CELF2: variants seen among roughly 807,000 people sequenced by gnomAD.
CELF2 encodes CUGBP Elav-like family member 2, also known as CUG triplet repeat RNA-binding protein 2.
In CELF2, 8 loss-of-function variants were observed where a neutral mutation model predicts 62.6. The ratio of observed to expected loss-of-function variants is 0.13; its 90% CI spans 0.07 to 0.23. CELF2 has a LOEUF of 0.23. Ranked by LOEUF, CELF2 falls within the 10% of genes least tolerant of loss-of-function variation. CELF2 has a pLI of 1.00. For missense variants in CELF2, 333 were observed against 671.0 expected (o/e 0.50, Z 5.56); for synonymous variants, 258 against 250.0 (o/e 1.03, Z -0.30).
the CELF2 span, among the ~76,000 whole-genome samples, chr10:10,550,897 C>T: frequency 6.6e-6 from 1 of 152,044 alleles, no homozygotes; most frequent in East Asian, 1.9e-4. Context: ...GGGGTTTCTC[C>T]ATGTTGATCA....
Position 11,159,840 on chromosome 10 carries a change from A to T in CELF2, c.75-5646A>T, listed in dbSNP as rs2065295623. On this transcript the variant is annotated intron_variant, in intron 1 of 12. Coordinates refer to ENST00000633077, the MANE Select transcript of CELF2 (RefSeq NM_001326342.2). The surrounding 1 kb of genome is among the most constrained non-coding windows in gnomAD (Gnocchi z 5.0). ...TATTACTTAAGTACAAGTGATATTT[A>T]AAAATGATTCCTGAGCCCTTTGAAA... 6.6e-6 allele frequency among the ~76,000 whole-genome samples: 1 copy of T among 152,218 alleles called. No homozygotes were observed. The highest frequency in any genetic ancestry group is 2.4e-5 in the African/African-American group (1 of 41,452).
the CELF2 span, among the ~76,000 whole-genome samples, chr10:10,731,769 C>T: frequency 6.6e-6 from 1 of 152,042 alleles, no homozygotes; most frequent in Admixed American, 6.6e-5. Context: ...TAAGAGCACT[C>T]GGTAGGAACA....
chr10:10,688,492 A>G, the CELF2 span, among the ~76,000 whole-genome samples: 2 of 152,210 alleles, frequency 1.3e-5, no homozygotes, highest in African/African-American at 4.8e-5. Flanking sequence ...CATAAGTATC[A>G]TTGTGCCACA....
In CELF2 at chr10:11,193,663, A is replaced by C. The variant is rs117505613; in HGVS notation, c.272-23762A>C. Among the ~76,000 whole-genome samples the C allele has an allele frequency of 9.1e-4, 139 of 152,342 alleles. 2 individuals are homozygous for C. In the East Asian group the frequency reaches 0.026, roughly 29 times the overall value. On this transcript the variant is annotated intron_variant, in intron 2 of 12. Transcript: ENST00000633077. ...CACCTAGGGGCCGGGTGTACAGCAG[A>C]AGGATAGTACCCATTGAGGGGCCAA...
the CELF2 span, among the ~76,000 whole-genome samples, chr10:10,727,919 G>C: frequency 6.6e-6 from 1 of 151,996 alleles, no homozygotes; most frequent in African/African-American, 2.4e-5. Context: ...AATAAGCCTG[G>C]CACGGAGCTG....
chr10:11,219,529 A>G lies in CELF2; in HGVS notation c.354+2022A>G, dbSNP rs539362186. On this transcript the variant is annotated intron_variant, in intron 3 of 12. Coordinates refer to ENST00000633077, the MANE Select transcript of CELF2 (RefSeq NM_001326342.2). Reference sequence around the variant, plus strand: ...TTTCATATGCCCAATTACTTGAGGCAGGTTGAAGGAATTTGAAAAGTCAGA... The same window carrying G: ...TTTCATATGCCCAATTACTTGAGGCGGGTTGAAGGAATTTGAAAAGTCAGA... 3.9e-5 allele frequency among the ~76,000 whole-genome samples: 6 copies of G among 152,306 alleles called. No homozygotes were observed. In the South Asian group the frequency reaches 1.2e-3, roughly 32 times the overall value.
At chr10:10,996,576 C>T (rs1242260282) in intron 2 of CELF2, among the ~76,000 whole-genome samples, 1 of 152,160 alleles carries the variant, frequency 6.6e-6, no homozygotes, top group Non-Finnish European at 1.5e-5. Context: ...ATTCAGCATC[C>T]AAATAAAGAA....
At chr10:10,586,041 T>C in the CELF2 span, among the ~76,000 whole-genome samples, 5 of 152,312 alleles carry the variant, frequency 3.3e-5, no homozygotes, top group Admixed American at 3.3e-4. Context: ...GCTCTATAAA[T>C]TTTACAATTA....
chr10:10,635,120 C>T, the CELF2 span, among the ~76,000 whole-genome samples: 9 of 152,170 alleles, frequency 5.9e-5, no homozygotes, highest in African/African-American at 1.7e-4. Flanking sequence ...GTGCTACCCT[C>T]ACACTCAAGG....
rs145523322 is a variant in CELF2, at chr10:11,114,701, G to A, written c.75-50785G>A. Among the ~76,000 whole-genome samples, 402 of 152,322 alleles carry A rather than the reference G, an allele frequency of 2.6e-3. 1 individual carries two copies. Among genetic ancestry groups the A allele is most frequent in the African/African-American group, 9.1e-3 (380 of 41,566 alleles). ...GCAATGGGTTGGCCACAGCACTTTA[G>A]TTCTTTTGACTTGAGAAATTGAAAT... is the stretch of plus-strand genomic sequence containing the variant. On this transcript the variant is annotated intron_variant, in intron 1 of 12. Coordinates refer to ENST00000633077, the MANE Select transcript of CELF2 (RefSeq NM_001326342.2).
intron 4 of CELF2, among the ~76,000 whole-genome samples, chr10:11,253,008 TCTATTGCTGTGCCCAAC>T (rs1489905817): frequency 6.6e-5 from 10 of 152,108 alleles, no homozygotes; most frequent in Non-Finnish European, 1.5e-5. Flanking sequence ...CTTTTAATCC[TCTATTGCTGTGCCCAAC>T]GAGGTACCAG....
intron 1 of CELF2, among the ~76,000 whole-genome samples, chr10:11,092,102 C>T (rs1000235695): frequency 6.6e-6 from 1 of 152,152 alleles, no homozygotes; most frequent in Non-Finnish European, 1.5e-5. Context: ...AGAGATAGAT[C>T]CTTCTTCTGA....
At chr10:10,906,717 C>CTTTTTTTTT (rs397846553) in intron 1 of CELF2, among the ~76,000 whole-genome samples, 9 of 109,280 alleles carry the variant, frequency 8.2e-5, no homozygotes, top group African/African-American at 1.4e-4. Flanking sequence ...TTTTTCTTTT[C>CTTTTTTTTT]TTTTTTTTTT....
chr10:10,967,257 G>A (rs1245620822), intron 2 of CELF2, among the ~76,000 whole-genome samples: 1 of 152,216 alleles, frequency 6.6e-6, no homozygotes, highest in Non-Finnish European at 1.5e-5. Flanking sequence ...GGATTGGGCT[G>A]AAACTCAATG....
At chr10:10,915,703 G>C (rs921334675) in intron 1 of CELF2, among the ~76,000 whole-genome samples, 1 of 152,160 alleles carries the variant, frequency 6.6e-6, no homozygotes, top group African/African-American at 2.4e-5. Flanking sequence ...CCAAAGTGCC[G>C]GGATTATAGG....
In CELF2 at chr10:10,936,241, G is replaced by C. The variant is rs923840941; in HGVS notation, c.89+16242G>C. Among the ~76,000 whole-genome samples, 1 of 152,132 alleles carries C rather than the reference G, an allele frequency of 6.6e-6. No homozygotes were observed. Among genetic ancestry groups the C allele is most frequent in the African/African-American group, 2.4e-5 (1 of 41,428 alleles). On this transcript the variant is annotated intron_variant, in intron 2 of 13. Coordinates refer to the CELF2 transcript ENST00000636488. This position sits in a 1 kb window ranked among gnomAD's most constrained non-coding sequence, Gnocchi z 4.0. ...TTGCAGAGGTTAGAAAGAAGGTAAA[G>C]AAATGGTTACTTTGAATGGAGCAAT...
the CELF2 span, among the ~76,000 whole-genome samples, chr10:10,493,529 TTG>T: frequency 3.8e-3 from 345 of 91,298 alleles, 1 homozygote; most frequent in African/African-American, 6.6e-3. Flanking sequence ...CGTTTTTTTT[TTG>T]TTTGTTTCTT....
At chr10:10,768,438 G>T in the CELF2 span, among the ~76,000 whole-genome samples, 1 of 152,064 alleles carries the variant, frequency 6.6e-6, no homozygotes, top group African/African-American at 2.4e-5. Context: ...GTAGCTACTG[G>T]GCAGAAACAA....
chr10:11,136,358 T>C (rs2060437667), intron 1 of CELF2, among the ~76,000 whole-genome samples: 1 of 152,158 alleles, frequency 6.6e-6, no homozygotes, highest in Non-Finnish European at 1.5e-5. Context: ...ATCCCAGCAC[T>C]CTGGGAGGCT....
Sources: gnomAD v4.1 joint callset for allele counts (sites outside exome capture counted in the v4.1 genomes callset) on GRCh38, gnomAD v4.1.1 for gene constraint, Gnocchi (gnomAD v3.1) non-coding constraint, MANE v1.5 for transcripts, NCBI Gene and HGNC (gene_info 2026-07-23, HGNC 2026-07-21) for gene names.